The following JOSD1 variants were observed in gnomAD, a reference collection of about 807,000 sequenced individuals.
The protein encoded by JOSD1 is josephin-1.
In JOSD1, 11 loss-of-function variants were observed where a neutral mutation model predicts 24.3. The observed-to-expected ratio is 0.45, with a 90% confidence interval of 0.29 to 0.75. The LOEUF (loss-of-function observed/expected upper bound fraction) is 0.75. Ranked by LOEUF, JOSD1 falls within the 30% of genes least tolerant of loss-of-function variation. The probability of loss-of-function intolerance (pLI) is 0.11; values close to 1 mark genes in which losing one functional copy is unlikely to be tolerated. For missense variants in JOSD1, 184 were observed against 253.5 expected (o/e 0.73, Z 1.86); for synonymous variants, 106 against 93.8 (o/e 1.13, Z -0.75).
At chr22:38,690,974 T>C (rs938261177) in intron 2 of JOSD1, among the ~76,000 whole-genome samples, 1 of 151,976 alleles carries the variant, frequency 6.6e-6, no homozygotes, top group African/African-American at 2.4e-5. Flanking sequence ...GAGCCGAACA[T>C]AGGAGGCAGA....
chr22:38,699,965 C>G lies in JOSD1; in HGVS notation c.23G>C (p.Gly8Ala), dbSNP rs757636227. ...CAATGATTCAGATTTGGCCTTGTCTCCTTTCCATGGCACACAACTCATGTT... is the reference window on the plus strand; with the variant it reads ...CAATGATTCAGATTTGGCCTTGTCTGCTTTCCATGGCACACAACTCATGTT... MSCVPWK[G>A]DKAKSESLEL... The change falls in exon 2 of 5, where the codon GGA (glycine) becomes GCA (alanine). Residue 8 changes from glycine (G) to alanine (A), a missense_variant. Gly to Ala is a moderately conservative substitution (Grantham distance 60, BLOSUM62 0). Coordinates refer to ENST00000683374, the MANE Select transcript of JOSD1 (RefSeq NM_001360236.2). 6.2e-7 allele frequency: 1 copy of G among 1,610,024 alleles called. No homozygotes were observed. Among genetic ancestry groups the G allele is most frequent in the African/African-American group, 1.3e-5 (1 of 74,668 alleles).
chr22:38,687,744 T>C lies in JOSD1; in HGVS notation c.*158A>G, dbSNP rs774041011. 7 of 615,816 alleles carry C rather than the reference T, an allele frequency of 1.1e-5. No homozygotes were observed. The highest frequency in any genetic ancestry group is 5.6e-5 in the African/African-American group (3 of 53,914). 38.1% of individuals were successfully genotyped at this position (615,816 alleles called of 1,614,324 possible). On this transcript the variant is annotated 3_prime_UTR_variant, in exon 5 of 5. Coordinates refer to ENST00000683374, the MANE Select transcript of JOSD1 (RefSeq NM_001360236.2). ...GGAACAAAACACTGAGTAGTTCTTATAACAGTCCACACGTCTGTCCTATTG... is the reference window on the plus strand; with the variant it reads ...GGAACAAAACACTGAGTAGTTCTTACAACAGTCCACACGTCTGTCCTATTG...
Position 38,700,543 on chromosome 22 carries a change from AT to A in JOSD1, c.-557del. 1 of 985,836 alleles carries A rather than the reference AT, an allele frequency of 1.0e-6. No individual in the cohort carries two copies. Among genetic ancestry groups the A allele is most frequent in the Non-Finnish European group, 1.2e-6 (1 of 830,244 alleles). The allele number at this position is 985,836 out of a possible 1,614,324, so 61.1% of individuals were successfully genotyped here. On this transcript the variant is annotated 5_prime_UTR_variant, in exon 2 of 5. It removes an upstream start codon present in the reference 5' UTR. Transcript: ENST00000683374. ...GCGGGGGCCTCGGGGGCAGCCCTCC[AT>A]CCCCTCGGGTACGGTGGGGCCCGCA... is the stretch of plus-strand genomic sequence containing the variant.
At chr22:38,691,627 C>T (rs900240667) in intron 2 of JOSD1, among the ~76,000 whole-genome samples, 1 of 152,140 alleles carries the variant, frequency 6.6e-6, no homozygotes, top group Admixed American at 6.5e-5. Flanking sequence ...TTCTGTAGTT[C>T]CTTATTGTTT....
chr22:38,688,408 G>A (rs1409264504), intron 4 of JOSD1, among the ~76,000 whole-genome samples: 6 of 152,122 alleles, frequency 3.9e-5, no homozygotes, highest in African/African-American at 1.2e-4. Flanking sequence ...GATTACAGGC[G>A]TCCGCCACCA....
intron 2 of JOSD1, among the ~76,000 whole-genome samples, chr22:38,695,168 A>G (rs1023205295): frequency 6.6e-6 from 1 of 152,200 alleles, no homozygotes; most frequent in Non-Finnish European, 1.5e-5. Context: ...AGTAATCCGT[A>G]GGTGTTAGCT....
At position 38,700,243 on chromosome 22, in the gene JOSD1, A is replaced by T. The variant is rs552585916; in HGVS notation, c.-256T>A. On this transcript the variant is annotated 5_prime_UTR_variant, in exon 2 of 5. Coordinates refer to ENST00000683374, the MANE Select transcript of JOSD1 (RefSeq NM_001360236.2). ...CTACCACTGTCAAAGTGCAGAATTT[A>T]AAAAAACACATAAAATGTAAGACCT... The T allele has an allele frequency of 2.6e-6, 3 of 1,170,454 alleles. No individual in the cohort carries two copies. Among genetic ancestry groups the T allele is most frequent in the East Asian group, 4.4e-5 (1 of 22,586 alleles). The allele number at this position is 1,170,454 out of a possible 1,614,324, so 72.5% of individuals were successfully genotyped here. A position where few individuals can be genotyped will look rare whatever the true frequency, so the allele number is the denominator to read the frequency against.
chr22:38,700,663 G>T (rs1025388270), intron 1 of JOSD1, 45 bp from the exon 2 acceptor site: 1 of 981,614 alleles, frequency 1.0e-6, no homozygotes, highest in Non-Finnish European at 1.2e-6. Flanking sequence ...GCGGGCGCGG[G>T]AAGTGAGCGG....
intron 2 of JOSD1, among the ~76,000 whole-genome samples, chr22:38,692,408 A>G (rs2092526761): frequency 6.6e-6 from 1 of 152,156 alleles, no homozygotes; most frequent in Non-Finnish European, 1.5e-5. Flanking sequence ...GAGGCCAGCT[A>G]CATCCCTGAG....
intron 2 of JOSD1, among the ~76,000 whole-genome samples, chr22:38,698,645 C>G (rs1394996230): frequency 6.6e-6 from 1 of 152,230 alleles, no homozygotes; most frequent in South Asian, 2.1e-4. Flanking sequence ...GCAAGATCAT[C>G]ACCTGAGTTG....
At position 38,700,586 on chromosome 22, in the gene JOSD1, G is replaced by C. The variant is rs2092564371; in HGVS notation, c.-599C>G. 8.1e-6 allele frequency: 8 copies of C among 985,318 alleles called. No homozygotes were observed. The highest frequency in any genetic ancestry group is 9.6e-6 in the Non-Finnish European group (8 of 829,822). The allele number at this position is 985,318 out of a possible 1,614,324, so 61.0% of individuals were successfully genotyped here. On this transcript the variant is annotated 5_prime_UTR_variant, in exon 2 of 5. Coordinates refer to ENST00000683374, the MANE Select transcript of JOSD1 (RefSeq NM_001360236.2). The stretch of plus-strand genomic sequence containing the variant: ...GGGCCCGCAGGGCGCGGCTCCCTCG[G>C]AAGGCGCGGATTCTAGCCCTCTGGC...
At chr22:38,697,241 C>T (rs1019381937) in intron 2 of JOSD1, among the ~76,000 whole-genome samples, 3 of 152,194 alleles carry the variant, frequency 2.0e-5, no homozygotes, top group African/African-American at 7.2e-5. Flanking sequence ...CTCTAGATTC[C>T]TTTCACACTT....
At chr22:38,688,809 G>C in intron 4 of JOSD1, 126 bp downstream of exon 4, 1 of 864,130 alleles carries the variant, frequency 1.2e-6, no homozygotes, top group East Asian at 2.4e-5. Flanking sequence ...ATGATTCTAA[G>C]GCAGGGAGAG....
rs2092561264 is a variant in JOSD1, at chr22:38,699,950, G to A, written c.38C>T (p.Ser13Phe). The change falls in exon 2 of 5, where the codon TCT (serine) becomes TTT (phenylalanine). Residue 13 changes from serine to phenylalanine, a missense_variant. Coordinates refer to ENST00000683374, the MANE Select transcript of JOSD1 (RefSeq NM_001360236.2). ...TGCCTGGGGCAGCTCCAATGATTCA[G>A]ATTTGGCCTTGTCTCCTTTCCATGG... is the stretch of plus-strand genomic sequence containing the variant. Reference protein sequence around the residue: ...CVPWKGDKAKSESLELPQAAP... With the variant: ...CVPWKGDKAKFESLELPQAAP... 1.2e-6 allele frequency: 2 copies of A among 1,612,310 alleles called. No individual in the cohort carries two copies. The highest frequency in any genetic ancestry group is 1.7e-6 in the Non-Finnish European group (2 of 1,179,020).
At chr22:38,698,187 T>C (rs921791581) in intron 2 of JOSD1, among the ~76,000 whole-genome samples, 4 of 152,208 alleles carry the variant, frequency 2.6e-5, no homozygotes, top group African/African-American at 9.7e-5. Flanking sequence ...TGGGTCCTCC[T>C]TTCAGTGACA....
chr22:38,701,175 ACCTCGGCGGCGGCCGGCAGGGTTGGGGT>A (rs1282647559), upstream of JOSD1: 2 of 189,478 alleles, frequency 1.1e-5, no homozygotes. Context: ...CGGGCTGCGC[ACCTCGGCGGCGGCCGGCAGGGTTGGGGT>A]CCAGCCGCTC....
chr22:38,701,033 T>G (rs956797187), upstream of JOSD1: 4 of 954,404 alleles, frequency 4.2e-6, no homozygotes, highest in Non-Finnish European at 5.0e-6. Context: ...CCGTCCTCAC[T>G]CCTCCCAGCC....
Position 38,700,367 on chromosome 22 carries a change from A to G in JOSD1, c.-380T>C. 1 of 987,660 alleles carries G rather than the reference A, an allele frequency of 1.0e-6. No homozygotes were observed. Among genetic ancestry groups the G allele is most frequent in the Non-Finnish European group, 1.2e-6 (1 of 836,652 alleles). The allele number at this position is 987,660 out of a possible 1,614,324, so 61.2% of individuals were successfully genotyped here. A position where few individuals can be genotyped will look rare whatever the true frequency, so the allele number is the denominator to read the frequency against. On this transcript the variant is annotated 5_prime_UTR_variant, in exon 2 of 5. Transcript: ENST00000683374. Reference sequence around the variant, plus strand: ...AAATGCCAGGCCTCAAAGCAGGAGGACCGAACACAATCGGTCACATCGCTC... The same window carrying G: ...AAATGCCAGGCCTCAAAGCAGGAGGGCCGAACACAATCGGTCACATCGCTC...
rs1339102357 is a variant in JOSD1 at position 38,686,361 on chromosome 22, G to C, written c.*1541C>G. 1 of 152,460 alleles carries C rather than the reference G, an allele frequency of 6.6e-6. No individual in the cohort carries two copies. Among genetic ancestry groups the C allele is most frequent in the East Asian group, 1.9e-4 (1 of 5,188 alleles). The allele number at this position is 152,460 out of a possible 1,614,324, so 9.4% of individuals were successfully genotyped here. A position where few individuals can be genotyped will look rare whatever the true frequency, so the allele number is the denominator to read the frequency against. On this transcript the variant is annotated 3_prime_UTR_variant, in exon 5 of 5. Coordinates refer to ENST00000683374, the MANE Select transcript of JOSD1 (RefSeq NM_001360236.2). ...GGATCAACATGCAAGCCCCAGGCTG[G>C]CTTTGCTGCTGGAGAGAAGTCTGGC...
Sources: allele counts gnomAD v4.1 joint callset (sites outside exome capture counted in the v4.1 genomes callset), GRCh38; gene constraint gnomAD v4.1.1; transcripts MANE v1.5; gene names NCBI Gene and HGNC (gene_info 2026-07-23, HGNC 2026-07-21).